The following VLDLR variants were observed in gnomAD, a reference collection of about 807,000 sequenced individuals.
VLDLR encodes very low-density lipoprotein receptor.
A neutral mutation model predicts 112.7 loss-of-function variants in VLDLR; 81 were observed. The ratio of observed to expected loss-of-function variants is 0.72; its 90% CI spans 0.60 to 0.86. VLDLR has a LOEUF of 0.86. Among genes scored for constraint, VLDLR ranks in the 40% least tolerant of loss-of-function variants. The pLI is 0.00. For missense variants in VLDLR, 1,237 were observed against 1,099.4 expected (o/e 1.13, Z -1.77); for synonymous variants, 436 against 384.8 (o/e 1.13, Z -1.56).
In VLDLR at chr9:2,648,305, T is replaced by C; in HGVS notation, c.1920T>C (p.Ser640=). Residue 640 remains serine, a synonymous_variant, in exon 13 of 19, where the codon TCT becomes TCC. Coordinates refer to ENST00000382100, the MANE Select transcript of VLDLR (RefSeq NM_003383.5). ...NGQDRRIVLK[S]LEFLAHPLAL... is the part of the protein sequence containing the mutation. ...AAGATCGTAGGATAGTACTAAAGTCTCTGGAGTTCCTAGCTCATCCTCTTG... is the reference window on the plus strand; with the variant it reads ...AAGATCGTAGGATAGTACTAAAGTCCCTGGAGTTCCTAGCTCATCCTCTTG... 1 of 1,614,208 alleles carries C rather than the reference T, an allele frequency of 6.2e-7. No homozygotes were observed. Among genetic ancestry groups the C allele is most frequent in the Non-Finnish European group, 8.5e-7 (1 of 1,180,026 alleles).
intron 1 of VLDLR, among the ~76,000 whole-genome samples, chr9:2,630,154 T>G (rs1403185187): frequency 6.6e-6 from 1 of 152,180 alleles, no homozygotes; most frequent in African/African-American, 2.4e-5. Flanking sequence ...ATCTTTGTGC[T>G]TGACAGCTCA....
intron 7 of VLDLR, 111 bp from the exon 8 acceptor site, chr9:2,644,623 G>A (rs901370326): frequency 2.2e-5 from 30 of 1,380,322 alleles, no homozygotes; most frequent in South Asian, 1.3e-4. Flanking sequence ...TAGACAAATC[G>A]TGGGTTTGAC....
chr9:2,641,348 G>A (rs745553789), intron 3 of VLDLR, 29 bp from the exon 4 acceptor site: 25 of 1,613,708 alleles, frequency 1.5e-5, no homozygotes, highest in South Asian at 5.5e-5. Context: ...CAGTTCTGAG[G>A]CTCTTTTGAG....
intron 1 of VLDLR, among the ~76,000 whole-genome samples, chr9:2,624,272 G>C (rs1816980184): frequency 6.6e-6 from 1 of 152,202 alleles, no homozygotes; most frequent in Non-Finnish European, 1.5e-5. Context: ...AATTTGGGCT[G>C]AGGCAGTTAT....
At chr9:2,651,635 T>G in intron 16 of VLDLR, 137 bp downstream of exon 16, 1 of 927,748 alleles carries the variant, frequency 1.1e-6, no homozygotes, top group Non-Finnish European at 1.7e-6. Flanking sequence ...ACCAAAGACT[T>G]AAAACTTGCA....
At chr9:2,638,285 GA>G (rs1289388865) in intron 2 of VLDLR, among the ~76,000 whole-genome samples, 15 of 152,198 alleles carry the variant, frequency 9.9e-5, no homozygotes, top group African/African-American at 3.4e-4. Context: ...TTGAGTTCTA[GA>G]AATTAACTGT....
chr9:2,642,620 TG>T (rs1403587362), intron 4 of VLDLR, among the ~76,000 whole-genome samples: 1 of 152,244 alleles, frequency 6.6e-6, no homozygotes, highest in Non-Finnish European at 1.5e-5. Context: ...ATTATAGCCC[TG>T]GCAGTGACTT....
In VLDLR at chr9:2,622,154, G is replaced by C; in HGVS notation, c.-36G>C. 1.7e-6 allele frequency: 1 copy of C among 601,264 alleles called. No individual in the cohort carries two copies. Among genetic ancestry groups the C allele is most frequent in the Non-Finnish European group, 2.4e-6 (1 of 424,970 alleles). 37.2% of individuals were successfully genotyped at this position (601,264 alleles called of 1,614,324 possible). A position where few individuals can be genotyped will look rare whatever the true frequency, so the allele number is the denominator to read the frequency against. On this transcript the variant is annotated 5_prime_UTR_variant, in exon 1 of 19. Coordinates refer to ENST00000382100, the MANE Select transcript of VLDLR (RefSeq NM_003383.5). ...CTTGTCGTGCGGAGCGAACGGCGGC[G>C]GCGGCGGCGGCGGCGGCACCATCCA...
intron 2 of VLDLR, among the ~76,000 whole-genome samples, chr9:2,639,187 C>T (rs1357706459): frequency 6.6e-6 from 1 of 152,214 alleles, no homozygotes; most frequent in African/African-American, 2.4e-5. Context: ...TGAGAAGAGA[C>T]CTGCCAGTAG....
intron 16 of VLDLR, 85 bp downstream of exon 16, chr9:2,651,583 T>A: frequency 3.2e-6 from 4 of 1,252,046 alleles, no homozygotes; most frequent in Non-Finnish European, 4.6e-6. Context: ...AATGCAGCCT[T>A]TAACTACTAT....
chr9:2,633,051 A>AGAGAGAGAGAGAGAGTGT (rs1460780869), intron 1 of VLDLR, among the ~76,000 whole-genome samples: 3 of 115,466 alleles, frequency 2.6e-5, no homozygotes, highest in African/African-American at 1.0e-4. Context: ...AGAGAGAGAG[A>AGAGAGAGAGAGAGAGTGT]GTGTGTGTGT....
At position 2,643,498 on chromosome 9, in the gene VLDLR, G is replaced by T; in HGVS notation, c.787G>T (p.Asp263Tyr). 1 of 1,614,230 alleles carries T rather than the reference G, an allele frequency of 6.2e-7. No homozygotes were observed. The highest frequency in any genetic ancestry group is 1.1e-5 in the South Asian group (1 of 91,076). The change falls in exon 5 of 19, where the codon GAC becomes TAC. Residue 263 changes from aspartate to tyrosine, a missense_variant. Transcript: ENST00000382100. ...GAAGTGGCGATGTGATGGGGACCCT[G>T]ACTGCAAGGATGGCAGTGATGAGGT... ...HKKWRCDGDPDCKDGSDEVNC... is the reference protein window; with the variant it reads ...HKKWRCDGDPYCKDGSDEVNC...
rs1360426064 is a variant in VLDLR at position 2,621,907 on chromosome 9, C to T, written c.-283C>T. The stretch of plus-strand genomic sequence containing the variant: ...CTTCCCTCCTCTCCCCTTGCCTCCC[C>T]TCCTCTGCAGCGCCTGCATTATTTT... On this transcript the variant is annotated 5_prime_UTR_variant, in exon 1 of 19. Coordinates refer to ENST00000382100, the MANE Select transcript of VLDLR (RefSeq NM_003383.5). 1.6e-6 allele frequency: 1 copy of T among 637,238 alleles called. No homozygotes were observed. Among genetic ancestry groups the T allele is most frequent in the Non-Finnish European group, 2.9e-6 (1 of 345,962 alleles). 39.5% of individuals were successfully genotyped at this position (637,238 alleles called of 1,614,324 possible).
chr9:2,629,310 C>A (rs1436669910), intron 1 of VLDLR, among the ~76,000 whole-genome samples: 1 of 152,176 alleles, frequency 6.6e-6, no homozygotes, highest in African/African-American at 2.4e-5. Context: ...ACAAGAAAAC[C>A]AAGAGCTATA....
At chr9:2,647,165 A>T (rs1370327958) in intron 11 of VLDLR, among the ~76,000 whole-genome samples, 1 of 152,272 alleles carries the variant, frequency 6.6e-6, no homozygotes, top group African/African-American at 2.4e-5. Flanking sequence ...CCTGCTATGA[A>T]ATTTGAAGGA....
intron 14 of VLDLR, among the ~76,000 whole-genome samples, chr9:2,649,182 A>ACTAT (rs1353726825): frequency 1.3e-5 from 2 of 152,128 alleles, no homozygotes; most frequent in Admixed American, 6.5e-5. Context: ...AGTACCACAG[A>ACTAT]CTATCTTAAA....
chr9:2,659,698 CAAT>C lies in VLDLR; in HGVS notation c.*5831_*5833del, dbSNP rs1177790207. 1 of 152,192 alleles carries C rather than the reference CAAT, an allele frequency of 6.6e-6. No individual in the cohort carries two copies. Among genetic ancestry groups the C allele is most frequent in the Non-Finnish European group, 1.5e-5 (1 of 68,036 alleles). 9.4% of individuals were successfully genotyped at this position (152,192 alleles called of 1,614,324 possible). On this transcript the variant is annotated 3_prime_UTR_variant, in exon 19 of 19. Coordinates refer to ENST00000382100, the MANE Select transcript of VLDLR (RefSeq NM_003383.5). Reference sequence around the variant, plus strand: ...ACAGGAAGAACTGTGGCTTGTAACTCAATGATGCTATAACTCCAGCACTGGATC... The same window carrying C: ...ACAGGAAGAACTGTGGCTTGTAACTCGATGCTATAACTCCAGCACTGGATC...
Position 2,650,627 on chromosome 9 carries a change from GA to G in VLDLR, c.2251+112del, listed in dbSNP as rs1183159058. On this transcript the variant is annotated intron_variant, in intron 15 of 18. Transcript: ENST00000382100. ...CTTAGCTAATTCTTTGAATAGATTTGAGAAGATATCTGCTATTGTATGCCGG... is the reference window on the plus strand; with the variant it reads ...CTTAGCTAATTCTTTGAATAGATTTGGAAGATATCTGCTATTGTATGCCGG... 33 of 1,448,898 alleles carry G rather than the reference GA, an allele frequency of 2.3e-5. 1 individual carries two copies. The highest frequency in any genetic ancestry group is 2.5e-5 in the Non-Finnish European group (27 of 1,060,118). The allele number at this position is 1,448,898 out of a possible 1,614,324, so 89.8% of individuals were successfully genotyped here.
In VLDLR at chr9:2,658,056, G is replaced by C. The variant is rs899754396; in HGVS notation, c.*4188G>C. On this transcript the variant is annotated 3_prime_UTR_variant, in exon 19 of 19. Transcript: ENST00000382100. ...AATATGGAGGGAATGAATCTGAAGA[G>C]GGAACAATGGCGTTTTTCGAACTTA... The C allele has an allele frequency of 2.0e-5, 3 of 152,190 alleles. No individual in the cohort carries two copies. The highest frequency in any genetic ancestry group is 7.2e-5 in the African/African-American group (3 of 41,438). 9.4% of individuals were successfully genotyped at this position (152,190 alleles called of 1,614,324 possible). A position where few individuals can be genotyped will look rare whatever the true frequency, so the allele number is the denominator to read the frequency against.
Sources: allele counts gnomAD v4.1 joint callset (sites outside exome capture counted in the v4.1 genomes callset), GRCh38; gene constraint gnomAD v4.1.1; transcripts MANE v1.5; gene names NCBI Gene and HGNC (gene_info 2026-07-23, HGNC 2026-07-21).